Variants in LDLRAD4 observed in about 807,000 individuals in gnomAD.
The protein encoded by LDLRAD4 is low density lipoprotein receptor class A domain containing 4.
LDLRAD4 carries 5 observed loss-of-function variants against 17.0 expected under a neutral mutation model. The ratio of observed to expected loss-of-function variants is 0.29; its 90% CI spans 0.15 to 0.62. The LOEUF is 0.62. LDLRAD4 is among the 20% of genes least tolerant of loss of function. LDLRAD4 has a pLI of 0.84. For missense variants in LDLRAD4, 340 were observed against 424.7 expected (o/e 0.80, Z 1.75); for synonymous variants, 168 against 171.8 (o/e 0.98, Z 0.17).
intron 4 of LDLRAD4, among the ~76,000 whole-genome samples, chr18:13,636,959 G>A (rs1302593272): frequency 1.3e-5 from 2 of 150,582 alleles, no homozygotes; most frequent in East Asian, 2.0e-4. Flanking sequence ...CACTACACCC[G>A]ACTAATTTTT....
chr18:13,496,058 G>A (rs901292684), intron 3 of LDLRAD4, among the ~76,000 whole-genome samples: 1 of 152,154 alleles, frequency 6.6e-6, no homozygotes, highest in Non-Finnish European at 1.5e-5. Flanking sequence ...AGGAGATTTG[G>A]CTGCGTATAG....
chr18:13,540,930 G>T, intron 3 of LDLRAD4, among the ~76,000 whole-genome samples: 1 of 152,178 alleles, frequency 6.6e-6, no homozygotes, highest in East Asian at 1.9e-4. Context: ...CCTTCATGTG[G>T]GCACTGAGCA....
chr18:13,560,233 C>G lies in LDLRAD4; in HGVS notation c.182-60884C>G, dbSNP rs1299361. 4.9e-3 allele frequency among the ~76,000 whole-genome samples: 746 copies of G among 152,340 alleles called. 4 individuals are homozygous for G. The highest frequency in any genetic ancestry group is 8.1e-3 in the Non-Finnish European group (550 of 68,030). On this transcript the variant is annotated intron_variant, in intron 3 of 5. Coordinates refer to ENST00000359446, the Ensembl canonical transcript of LDLRAD4. ...TTTTGGGTCTGTTGGCCTGAGCCAA[C>G]CCCATCCTCAAAACACCCCAGGTGA... is the stretch of plus-strand genomic sequence containing the variant.
intron 2 of LDLRAD4, among the ~76,000 whole-genome samples, chr18:13,425,028 A>G (rs1182540724): frequency 1.3e-5 from 2 of 152,216 alleles, no homozygotes; most frequent in East Asian, 3.8e-4. Context: ...TCATTCAGCA[A>G]ATATTTTTGA....
intron 3 of LDLRAD4, among the ~76,000 whole-genome samples, chr18:13,571,478 C>T (rs1317728116): frequency 6.6e-6 from 1 of 152,184 alleles, no homozygotes; most frequent in Non-Finnish European, 1.5e-5. Context: ...CTGGTAACCC[C>T]ATAAGAGGAA....
chr18:13,418,118 C>T (rs570416751), intron 2 of LDLRAD4, among the ~76,000 whole-genome samples: 4 of 152,318 alleles, frequency 2.6e-5, no homozygotes, highest in African/African-American at 7.2e-5. Context: ...GCTCCCCACC[C>T]GCCCTCTGAG....
chr18:13,525,482 C>T (rs879494414), intron 3 of LDLRAD4, among the ~76,000 whole-genome samples: 5 of 152,254 alleles, frequency 3.3e-5, no homozygotes, highest in Admixed American at 6.5e-5. Flanking sequence ...TGCAGGAAAA[C>T]GTGGGCATTC....
At chr18:13,464,850 G>A (rs2092562336) in intron 3 of LDLRAD4, among the ~76,000 whole-genome samples, 1 of 138,550 alleles carries the variant, frequency 7.2e-6, no homozygotes, top group African/African-American at 2.7e-5. Flanking sequence ...TTGACAGACT[G>A]AACAGAAAAA....
intron 1 of LDLRAD4, among the ~76,000 whole-genome samples, chr18:13,281,920 G>A (rs2045305221): frequency 6.6e-6 from 1 of 152,170 alleles, no homozygotes; most frequent in Non-Finnish European, 1.5e-5. Context: ...CCGAGACTGG[G>A]AAGAAAAGGA....
intron 1 of LDLRAD4, among the ~76,000 whole-genome samples, chr18:13,384,433 A>C (rs1015279991): frequency 6.6e-6 from 1 of 152,246 alleles, no homozygotes; most frequent in Non-Finnish European, 1.5e-5. Flanking sequence ...TTAAAAATCT[A>C]TTATTTTAGC....
chr18:13,487,459 C>T (rs1187813670), intron 3 of LDLRAD4: 1 of 152,286 alleles, frequency 6.6e-6, no homozygotes, highest in East Asian at 1.9e-4. Context: ...GATGCTGACA[C>T]CTTCAGAAAG....
rs186014114 is a variant in LDLRAD4, at chr18:13,422,326, C to A, written c.41-15918C>A. 1.2e-3 allele frequency among the ~76,000 whole-genome samples: 182 copies of A among 152,280 alleles called. 2 individuals carry two copies. The highest frequency in any genetic ancestry group is 8.1e-4 in the Non-Finnish European group (55 of 68,026). ...CTTCAGCCCCAAATCCGGAGAAATA[C>A]TCTGTCTAGCCTAAATAAGGCTTAG... is the stretch of plus-strand genomic sequence containing the variant. On this transcript the variant is annotated intron_variant, in intron 2 of 5. Transcript: ENST00000359446.
intron 1 of LDLRAD4, among the ~76,000 whole-genome samples, chr18:13,305,837 T>C (rs2046879010): frequency 6.6e-6 from 1 of 152,230 alleles, no homozygotes; most frequent in South Asian, 2.1e-4. Flanking sequence ...GTATCTTGTA[T>C]TGAAAATGCA....
intron 2 of LDLRAD4, among the ~76,000 whole-genome samples, chr18:13,400,118 C>T (rs2087042693): frequency 6.6e-6 from 1 of 152,172 alleles, no homozygotes; most frequent in Admixed American, 6.5e-5. Context: ...ACGCTGGGCA[C>T]TGGGCTAGGT....
intron 2 of LDLRAD4, among the ~76,000 whole-genome samples, chr18:13,403,551 G>A (rs946121541): frequency 6.6e-6 from 1 of 152,210 alleles, no homozygotes; most frequent in African/African-American, 2.4e-5. Flanking sequence ...GACCTTGGGT[G>A]AGTTACTTCA....
At chr18:13,362,040 A>G (rs1327693733) in intron 1 of LDLRAD4, among the ~76,000 whole-genome samples, 1 of 152,044 alleles carries the variant, frequency 6.6e-6, no homozygotes, top group Non-Finnish European at 1.5e-5. Flanking sequence ...AGGAGCGTAC[A>G]CTTGTGATTG....
intron 1 of LDLRAD4, among the ~76,000 whole-genome samples, chr18:13,360,758 C>A (rs1947795131): frequency 6.6e-6 from 1 of 152,224 alleles, no homozygotes; most frequent in Non-Finnish European, 1.5e-5. Flanking sequence ...AACAAGGCTT[C>A]TCCCTGGTGT....
intron 1 of LDLRAD4, among the ~76,000 whole-genome samples, chr18:13,320,738 G>C (rs1568003349): frequency 6.6e-6 from 1 of 152,212 alleles, no homozygotes; most frequent in African/African-American, 2.4e-5. Flanking sequence ...GTGGAGCCGG[G>C]GAGCAATGGG....
intron 3 of LDLRAD4, among the ~76,000 whole-genome samples, chr18:13,460,399 C>T (rs1437941260): frequency 1.3e-5 from 2 of 152,126 alleles, no homozygotes; most frequent in Non-Finnish European, 2.9e-5. Context: ...CACCGTTTTG[C>T]CCAGGCTGAG....
Sources: gnomAD v4.1 joint callset for allele counts (sites outside exome capture counted in the v4.1 genomes callset) on GRCh38, gnomAD v4.1.1 for gene constraint, MANE v1.5 for transcripts, NCBI Gene and HGNC (gene_info 2026-07-23, HGNC 2026-07-21) for gene names.